Variants in NOLC1 observed in about 807,000 individuals in gnomAD.
The protein encoded by NOLC1 is nucleolar and coiled-body phosphoprotein 1.
In NOLC1, 37 loss-of-function variants were observed where a neutral mutation model predicts 73.4. The observed-to-expected ratio is 0.50, with a 90% CI of 0.39 to 0.66. The LOEUF is 0.66. NOLC1 is among the 30% of genes least tolerant of loss of function. The pLI is 0.00. For synonymous variants in NOLC1, 327 were observed against 302.6 expected (o/e 1.08, Z -0.84); for missense variants, 921 against 838.9 (o/e 1.10, Z -1.21).
chr10:102,159,012 C>A (rs1295944936), intron 5 of NOLC1, among the ~76,000 whole-genome samples, 181 bp from the exon 6 acceptor site: 1 of 141,940 alleles, frequency 7.0e-6, no homozygotes, highest in Non-Finnish European at 1.5e-5. Context: ...GGAGAGTTGC[C>A]TGAACCACTG....
rs2069664423 is a variant in NOLC1 at position 102,159,568 on chromosome 10, G to T, written c.859G>T (p.Gly287Cys). Residue 287 changes from glycine (G) to cysteine (C), a missense_variant and splice_region_variant, in exon 7 of 13, where the codon GGT becomes TGT. Coordinates refer to ENST00000605788, the MANE Select transcript of NOLC1 (RefSeq NM_004741.5). ...AAAAAAACCCATGAAAAATAAACCA[G>T]GTGACTGGACATGGGGAGCGAAGCT... Reference protein sequence around the residue: ...EQKKPMKNKPGPYSSVPPPSA... With the variant: ...EQKKPMKNKPCPYSSVPPPSA... 6.2e-7 allele frequency: 1 copy of T among 1,613,626 alleles called. No individual in the cohort carries two copies.
Position 102,157,286 on chromosome 10 carries a change from G to A in NOLC1, c.274G>A (p.Glu92Lys), listed in dbSNP as rs780813366. The change falls in exon 3 of 13, where the codon GAG (glutamate) becomes AAG (lysine). Residue 92 changes from glutamate (E) to lysine (K), a missense_variant. Physicochemically the swap from Glu to Lys is moderately conservative, Grantham distance 56. Transcript: ENST00000605788. ...ASSSDSEDSS[E>K]EEEEVQGPPA... The stretch of plus-strand genomic sequence containing the variant: ...ATCCAGTGACAGTGAGGACAGCAGC[G>A]AGGAGGAGGAGGAAGTTCAAGGGCC... 1.2e-5 allele frequency: 20 copies of A among 1,611,098 alleles called. No individual in the cohort carries two copies. Among genetic ancestry groups the A allele is most frequent in the African/African-American group, 8.0e-5 (6 of 74,804 alleles).
Position 102,160,007 on chromosome 10 carries a change from A to G in NOLC1, c.971A>G (p.Asp324Gly). 1 of 1,612,996 alleles carries G rather than the reference A, an allele frequency of 6.2e-7. No homozygotes were observed. The highest frequency in any genetic ancestry group is 8.5e-7 in the Non-Finnish European group (1 of 1,179,478). Residue 324 changes from aspartate to glycine, a missense_variant, in exon 8 of 13, where the codon GAC (aspartate) becomes GGC (glycine). Asp to Gly is a moderately conservative substitution (Grantham distance 94). Transcript: ENST00000605788. ...CAGCAGCCTGTGGAAAGCAGTGAAGACAGCAGTGATGAGTCTGGTGAGTCA... is the reference window on the plus strand; with the variant it reads ...CAGCAGCCTGTGGAAAGCAGTGAAGGCAGCAGTGATGAGTCTGGTGAGTCA... ...EKQQPVESSE[D>G]SSDESDSSSE...
chr10:102,153,542 A>T (rs1462404985), intron 1 of NOLC1, among the ~76,000 whole-genome samples: 2 of 152,214 alleles, frequency 1.3e-5, no homozygotes, highest in South Asian at 4.1e-4. Flanking sequence ...AAACTTCCTT[A>T]AGCTGGGACA....
In NOLC1 at chr10:102,157,245, C is replaced by G. The variant is rs1217969784; in HGVS notation, c.233C>G (p.Ala78Gly). The G allele has an allele frequency of 1.2e-6, 2 of 1,614,032 alleles. No individual in the cohort carries two copies. Among genetic ancestry groups the G allele is most frequent in the East Asian group, 2.2e-5 (1 of 44,906 alleles). ...LQANGPVAKK[A>G]KKKASSSDSE... Reference sequence around the variant, plus strand: ...GCAAATGGACCAGTGGCTAAGAAAGCTAAGAAGAAGGCCTCATCCAGTGAC... The same window carrying G: ...GCAAATGGACCAGTGGCTAAGAAAGGTAAGAAGAAGGCCTCATCCAGTGAC... The change falls in exon 3 of 13, where the codon GCT becomes GGT. Residue 78 changes from alanine to glycine, a missense_variant. By Grantham distance (60) the Ala-to-Gly change is moderately conservative (BLOSUM62 0). Coordinates refer to ENST00000605788, the MANE Select transcript of NOLC1 (RefSeq NM_004741.5).
intron 11 of NOLC1, 27 bp from the exon 12 acceptor site, chr10:102,161,806 T>G (rs2133763429): frequency 6.2e-7 from 1 of 1,608,108 alleles, no homozygotes; most frequent in East Asian, 2.2e-5. Flanking sequence ...CACTCTGTCT[T>G]TAATTTCCTA....
rs1357057509 is a variant in NOLC1, at chr10:102,157,337, G to A, written c.316+9G>A. On this transcript the variant is annotated intron_variant, in intron 3 of 12. Coordinates refer to ENST00000605788, the MANE Select transcript of NOLC1 (RefSeq NM_004741.5). ...TCCAGCAAAGAAGGCTGGTAAGGCA[G>A]AGTAGCAGGTGGGCTTGGTGGTGCC... The A allele has an allele frequency of 1.9e-6, 3 of 1,613,816 alleles. No individual in the cohort carries two copies. The highest frequency in any genetic ancestry group is 4.5e-5 in the East Asian group (2 of 44,880).
At chr10:102,156,723 G>A (rs1190387773) in intron 1 of NOLC1, among the ~76,000 whole-genome samples, 10 of 152,090 alleles carry the variant, frequency 6.6e-5, no homozygotes, top group African/African-American at 1.2e-4. Context: ...ATGAGCCACC[G>A]TGACTGGCTG....
Position 102,157,974 on chromosome 10 carries a change from A to G in NOLC1, c.442-75A>G, listed in dbSNP as rs553874266. 315 of 1,394,060 alleles carry G rather than the reference A, an allele frequency of 2.3e-4. 5 individuals carry two copies. The South Asian group carries it at 3.9e-3, about 17-fold the overall frequency. 86.4% of individuals were successfully genotyped at this position (1,394,060 alleles called of 1,614,324 possible). A position where few individuals can be genotyped will look rare whatever the true frequency, so the allele number is the denominator to read the frequency against. On this transcript the variant is annotated intron_variant, in intron 4 of 12. Transcript: ENST00000605788. ...TTACTGCTCCATTAGGCCCCTAAAAATAAAAGGAACCTAGGATGCCCTTTG... is the reference window on the plus strand; with the variant it reads ...TTACTGCTCCATTAGGCCCCTAAAAGTAAAAGGAACCTAGGATGCCCTTTG...
intron 1 of NOLC1, among the ~76,000 whole-genome samples, chr10:102,155,600 C>T (rs555454390): frequency 6.6e-6 from 1 of 151,824 alleles, no homozygotes; most frequent in East Asian, 1.9e-4. Context: ...CCTCAGCCTC[C>T]TGGGTTAAAG....
Position 102,160,233 on chromosome 10 carries a change from A to G in NOLC1, c.989A>G (p.Asp330Gly). The G allele has an allele frequency of 6.2e-7, 1 of 1,613,802 alleles. No homozygotes were observed. The highest frequency in any genetic ancestry group is 1.3e-5 in the African/African-American group (1 of 75,012). ...ESSEDSSDES[D>G]SSSEEEKKPP... is the part of the protein sequence containing the mutation. The stretch of plus-strand genomic sequence containing the variant: ...GCATAATGCTACAGGTTCTCCTCAG[A>G]TTCAAGTTCTGAAGAAGAGAAGAAA... The change falls in exon 9 of 13, where the codon GAT becomes GGT. Residue 330 changes from aspartate (D) to glycine (G), a missense_variant and splice_region_variant. Transcript: ENST00000605788.
At chr10:102,157,678 A>G in intron 4 of NOLC1, 123 bp downstream of exon 4, 1 of 1,183,348 alleles carries the variant, frequency 8.5e-7, no homozygotes, top group Non-Finnish European at 1.2e-6. Flanking sequence ...TGAGGAAGAA[A>G]ATCTGGGGAT....
chr10:102,159,668 C>CAT lies in NOLC1; in HGVS notation c.859+101_859+102dup. On this transcript the variant is annotated intron_variant, in intron 7 of 12. Coordinates refer to ENST00000605788, the MANE Select transcript of NOLC1 (RefSeq NM_004741.5). The stretch of plus-strand genomic sequence containing the variant: ...TAGAGGTGCATGAGCGTCCTCATGA[C>CAT]ATGACAGCTAGCTTCTCCGAGCACT... 3.1e-6 allele frequency: 4 copies of CAT among 1,284,864 alleles called. No individual in the cohort carries two copies. The Admixed American group carries it at 1.1e-4, about 34-fold the overall frequency. The allele number at this position is 1,284,864 out of a possible 1,614,324, so 79.6% of individuals were successfully genotyped here.
intron 1 of NOLC1, among the ~76,000 whole-genome samples, chr10:102,155,753 C>G (rs1260992753): frequency 6.6e-6 from 1 of 151,570 alleles, no homozygotes; most frequent in African/African-American, 2.4e-5. Flanking sequence ...CATGATCTGC[C>G]TACCTCGACC....
Position 102,159,879 on chromosome 10 carries a change from C to G in NOLC1, c.860-17C>G. The G allele has an allele frequency of 6.5e-7, 1 of 1,531,392 alleles. No homozygotes were observed. 94.9% of individuals were successfully genotyped at this position (1,531,392 alleles called of 1,614,324 possible). On this transcript the variant is annotated splice_polypyrimidine_tract_variant and intron_variant, in intron 7 of 12. Transcript: ENST00000605788. ...GTAGACATATCCTAAAACCATCACA[C>G]TATCCTTTTTAAACAGGTCCCTACA... is the stretch of plus-strand genomic sequence containing the variant.
At position 102,153,672 on chromosome 10, in the gene NOLC1, CTTTT is replaced by C. The variant is rs56074108; in HGVS notation, c.120+1161_120+1164del. Among the ~76,000 whole-genome samples the C allele has an allele frequency of 4.1e-3, 365 of 88,176 alleles. 2 individuals are homozygous for C. The highest frequency in any genetic ancestry group is 0.013 in the African/African-American group (320 of 25,516). The allele number at this position is 88,176 out of a possible 152,430, so 57.8% of individuals were successfully genotyped here. ...AATTGGACATTTCAGAATTAGGATTCTTTTTTTTTTTTTTTTTTTTTTGAGACGG... is the reference window on the plus strand; with the variant it reads ...AATTGGACATTTCAGAATTAGGATTCTTTTTTTTTTTTTTTTTTGAGACGG... On this transcript the variant is annotated intron_variant, in intron 1 of 12. Coordinates refer to ENST00000605788, the MANE Select transcript of NOLC1 (RefSeq NM_004741.5).
chr10:102,159,543 A>G lies in NOLC1; in HGVS notation c.834A>G (p.Gln278=), dbSNP rs756209288. The change falls in exon 7 of 13, where the codon CAA becomes CAG. Residue 278 remains glutamine, a synonymous_variant. Coordinates refer to ENST00000605788, the MANE Select transcript of NOLC1 (RefSeq NM_004741.5). The stretch of plus-strand genomic sequence containing the variant: ...CCTCCAGTGACGAGGAAGAGGAGCA[A>G]AAAAAACCCATGAAAAATAAACCAG... The part of the protein sequence containing the change: ...EDSSSDEEEE[Q]KKPMKNKPGP... 2 of 1,614,180 alleles carry G rather than the reference A, an allele frequency of 1.2e-6. No homozygotes were observed. The highest frequency in any genetic ancestry group is 2.2e-5 in the South Asian group (2 of 91,076).
At position 102,159,241 on chromosome 10, in the gene NOLC1, G is replaced by A. The variant is rs1418760362; in HGVS notation, c.656G>A (p.Ser219Asn). 4 of 1,613,280 alleles carry A rather than the reference G, an allele frequency of 2.5e-6. No individual in the cohort carries two copies. Among genetic ancestry groups the A allele is most frequent in the African/African-American group, 1.3e-5 (1 of 74,882 alleles). The stretch of plus-strand genomic sequence containing the variant: ...AATGGTAAAGCAGCCAGTAGCAGCA[G>A]TAGCAGCAGCAGCAGCAGTAGCAGT... ...IANGKAASSSSSSSSSSSSDD... is the reference protein window; with the variant it reads ...IANGKAASSSNSSSSSSSSDD... Residue 219 changes from serine (S) to asparagine (N), a missense_variant, in exon 6 of 13, where the codon AGT becomes AAT. Coordinates refer to ENST00000605788, the MANE Select transcript of NOLC1 (RefSeq NM_004741.5).
chr10:102,161,148 A>C, intron 10 of NOLC1, 55 bp downstream of exon 10: 1 of 1,520,474 alleles, frequency 6.6e-7, no homozygotes, highest in Non-Finnish European at 8.8e-7. Context: ...TCAGGATGGG[A>C]TATACTCTTT....
Sources: allele counts gnomAD v4.1 joint callset (sites outside exome capture counted in the v4.1 genomes callset), GRCh38; gene constraint gnomAD v4.1.1; transcripts MANE v1.5; gene names NCBI Gene and HGNC (gene_info 2026-07-23, HGNC 2026-07-21).